The following ARHGAP18 variants were observed in gnomAD, a reference collection of about 807,000 sequenced individuals.
The protein encoded by ARHGAP18 is Rho GTPase activating protein 18.
Under a neutral mutation model 86.2 loss-of-function variants are expected in ARHGAP18, and 67 were observed. The ratio of observed to expected loss-of-function variants is 0.78; its 90% CI spans 0.64 to 0.95. The LOEUF (loss-of-function observed/expected upper bound fraction) is 0.95, where lower values mean the gene tolerates loss of function less well. Among genes scored for constraint, ARHGAP18 ranks in the 40% least tolerant of loss-of-function variants. The probability of loss-of-function intolerance (pLI) is 0.00; values close to 1 mark genes in which losing one functional copy is unlikely to be tolerated. For synonymous variants in ARHGAP18, 283 were observed against 280.4 expected, an observed-to-expected ratio of 1.01 and a Z score of -0.09; for missense variants, 691 against 780.4, an observed-to-expected ratio of 0.89 and a Z score of 1.37.
At chr6:129,696,840 A>G (rs1331215628) in intron 1 of ARHGAP18, among the ~76,000 whole-genome samples, 1 of 152,240 alleles carries the variant, frequency 6.6e-6, no homozygotes, top group Non-Finnish European at 1.5e-5. Context: ...AGGTAAGGCC[A>G]GATACAAAGA....
intron 5 of ARHGAP18, among the ~76,000 whole-genome samples, chr6:129,621,088 T>G (rs1049843887): frequency 2.0e-5 from 3 of 152,200 alleles, no homozygotes; most frequent in Non-Finnish European, 4.4e-5. Context: ...TATTGTTATA[T>G]TAAATGGATT....
intron 12 of ARHGAP18, among the ~76,000 whole-genome samples, chr6:129,589,489 G>A (rs1788467670): frequency 6.6e-6 from 1 of 152,084 alleles, no homozygotes; most frequent in Non-Finnish European, 1.5e-5. Flanking sequence ...CAGCATTTTG[G>A]TCAAAGCCAT....
chr6:129,617,250 C>A (rs950126244), intron 6 of ARHGAP18, among the ~76,000 whole-genome samples: 9 of 152,192 alleles, frequency 5.9e-5, no homozygotes, highest in Admixed American at 1.3e-4. Context: ...AACACCTCCA[C>A]CCTGCCCCCA....
intron 1 of ARHGAP18, among the ~76,000 whole-genome samples, chr6:129,690,340 A>G (rs1164963039): frequency 3.3e-5 from 5 of 152,242 alleles, no homozygotes; most frequent in Non-Finnish European, 2.9e-5. Flanking sequence ...TAAGATAGTG[A>G]CAATTAATAT....
At chr6:129,675,311 G>A (rs951328184) in intron 1 of ARHGAP18, among the ~76,000 whole-genome samples, 1 of 151,160 alleles carries the variant, frequency 6.6e-6, no homozygotes, top group African/African-American at 2.4e-5. Context: ...GGGAACCCGG[G>A]AGGCAGAGCT....
At chr6:129,634,232 A>G in intron 3 of ARHGAP18, 127 bp from the exon 4 acceptor site, 1 of 687,564 alleles carries the variant, frequency 1.5e-6, no homozygotes, top group Non-Finnish European at 2.4e-6. Flanking sequence ...AATCACAGTG[A>G]AAAAGGGGCA....
chr6:129,654,630 T>A (rs1584092353), intron 1 of ARHGAP18, among the ~76,000 whole-genome samples: 1 of 152,336 alleles, frequency 6.6e-6, no homozygotes, highest in East Asian at 1.9e-4. Context: ...GTTGCCCCGC[T>A]AGCTACAGCC....
intron 1 of ARHGAP18, among the ~76,000 whole-genome samples, chr6:129,673,934 A>T (rs988905586): frequency 6.6e-6 from 1 of 152,168 alleles, no homozygotes; most frequent in Non-Finnish European, 1.5e-5. Context: ...TCACTGCCTT[A>T]ATCTCTAGGC....
chr6:129,692,844 G>A (rs1327916390), intron 1 of ARHGAP18, among the ~76,000 whole-genome samples: 1 of 152,130 alleles, frequency 6.6e-6, no homozygotes, highest in Non-Finnish European at 1.5e-5. Context: ...TTGATCACTT[G>A]GCTAATATTT....
At position 129,629,447 on chromosome 6, in the gene ARHGAP18, T is replaced by C; in HGVS notation, c.692A>G (p.Asn231Ser). The C allele has an allele frequency of 1.9e-6, 3 of 1,613,956 alleles. No individual in the cohort carries two copies. Among genetic ancestry groups the C allele is most frequent in the African/African-American group, 2.7e-5 (2 of 74,966 alleles). Residue 231 changes from asparagine (N) to serine (S), a missense_variant, in exon 5 of 15, where the codon AAC becomes AGC. By Grantham distance (46) the Asn-to-Ser change is conservative. Transcript: ENST00000368149. ...TTGCTCGGCAAATGATACCTCCAGG[T>C]TGATGTCTGTTTCAGGGGCAGGCGT... ...EETPAPETDI[N>S]LEVSFAEQAL...
intron 9 of ARHGAP18, among the ~76,000 whole-genome samples, chr6:129,607,304 T>C (rs1419690911): frequency 1.3e-5 from 2 of 152,176 alleles, no homozygotes; most frequent in African/African-American, 2.4e-5. Flanking sequence ...CTAGGTTCAC[T>C]GGAAAAAGAA....
chr6:129,578,432 G>C lies in ARHGAP18; in HGVS notation c.*81C>G. On this transcript the variant is annotated 3_prime_UTR_variant, in exon 15 of 15. Transcript: ENST00000368149. ...GGTACAACTGAATAATATGAGTCCTGCCATTTCTTTTATTTACACTCTTGA... is the reference window on the plus strand; with the variant it reads ...GGTACAACTGAATAATATGAGTCCTCCCATTTCTTTTATTTACACTCTTGA... 9.0e-7 allele frequency: 1 copy of C among 1,112,926 alleles called. No individual in the cohort carries two copies. Among genetic ancestry groups the C allele is most frequent in the East Asian group, 2.5e-5 (1 of 39,992 alleles). The allele number at this position is 1,112,926 out of a possible 1,614,324, so 68.9% of individuals were successfully genotyped here.
intron 8 of ARHGAP18, among the ~76,000 whole-genome samples, chr6:129,609,114 T>G: frequency 1.4e-5 from 2 of 143,414 alleles, no homozygotes; most frequent in Admixed American, 7.0e-5. Context: ...GGGGAAAGAA[T>G]GAGCAGGGAA....
chr6:129,688,833 T>C (rs982740774), intron 1 of ARHGAP18, among the ~76,000 whole-genome samples: 2 of 151,966 alleles, frequency 1.3e-5, no homozygotes, highest in African/African-American at 4.8e-5. Flanking sequence ...GCTACTACAC[T>C]GGCTAATGAA....
chr6:129,683,064 TTTTTG>T (rs1373960575), intron 1 of ARHGAP18, among the ~76,000 whole-genome samples: 3 of 150,192 alleles, frequency 2.0e-5, no homozygotes, highest in African/African-American at 7.4e-5. Context: ...TCTTTTTTTT[TTTTTG>T]TTTTTTTTTT....
intron 1 of ARHGAP18, among the ~76,000 whole-genome samples, chr6:129,648,607 A>G (rs1773632734): frequency 7.0e-6 from 1 of 143,150 alleles, no homozygotes; most frequent in South Asian, 2.2e-4. Context: ...ACACATCTCT[A>G]TTTAAAAAAA....
intron 7 of ARHGAP18, among the ~76,000 whole-genome samples, chr6:129,612,971 C>A (rs1303748043): frequency 6.6e-6 from 1 of 152,076 alleles, no homozygotes; most frequent in East Asian, 1.9e-4. Flanking sequence ...TGGTGGCTCA[C>A]CCCTGTAATC....
chr6:129,598,942 G>A (rs1019444882), intron 12 of ARHGAP18: 3 of 137,490 alleles, frequency 2.2e-5, no homozygotes. Flanking sequence ...GGGTGTAGGG[G>A]TGTGTGTGTG....
intron 1 of ARHGAP18, among the ~76,000 whole-genome samples, chr6:129,658,422 GAA>G (rs35817569): frequency 9.8e-4 from 144 of 146,222 alleles, no homozygotes; most frequent in East Asian, 2.8e-3. Flanking sequence ...ACCTCAAATG[GAA>G]AAAAAAAAAA....
Sources: gnomAD v4.1 joint callset for allele counts (sites outside exome capture counted in the v4.1 genomes callset) on GRCh38, gnomAD v4.1.1 for gene constraint, MANE v1.5 for transcripts, NCBI Gene and HGNC (gene_info 2026-07-23, HGNC 2026-07-21) for gene names.